The following IGSF10 variants were observed in gnomAD, a reference collection of about 807,000 sequenced individuals.
IGSF10 encodes the protein immunoglobulin superfamily member 10.
A neutral mutation model predicts 128.2 loss-of-function variants in IGSF10; 126 were observed. The ratio of observed to expected loss-of-function variants is 0.98; its 90% CI spans 0.85 to 1.14. The LOEUF (loss-of-function observed/expected upper bound fraction) is 1.14. Among genes scored for constraint, IGSF10 ranks in the 50% most tolerant of loss-of-function variants. The pLI is 0.00. For missense variants in IGSF10, 3,295 were observed against 3,149.8 expected (o/e 1.05, Z -1.10); for synonymous variants, 1,185 against 1,146.2 (o/e 1.03, Z -0.68).
At chr3:151,514,613 T>G in the IGSF10 span, among the ~76,000 whole-genome samples, 5 of 152,146 alleles carry the variant, frequency 3.3e-5, no homozygotes, top group Non-Finnish European at 7.4e-5. Context: ...CAAAATTGAC[T>G]AATGGGATCT....
At chr3:151,559,781 C>A in the IGSF10 span, among the ~76,000 whole-genome samples, 1 of 152,000 alleles carries the variant, frequency 6.6e-6, no homozygotes, top group Admixed American at 6.6e-5. Flanking sequence ...CAGACTACTT[C>A]GAATAGGTTC....
At chr3:151,528,954 G>A in the IGSF10 span, among the ~76,000 whole-genome samples, 5 of 151,962 alleles carry the variant, frequency 3.3e-5, no homozygotes, top group African/African-American at 1.2e-4. Context: ...AGATCCACCG[G>A]CGTGAAATTC....
chr3:151,573,595 A>T, the IGSF10 span, among the ~76,000 whole-genome samples: 2 of 151,972 alleles, frequency 1.3e-5, no homozygotes, highest in Non-Finnish European at 1.5e-5. Flanking sequence ...ATCTTCCTCC[A>T]TTCCTTAATT....
chr3:151,466,710 C>G, the IGSF10 span, among the ~76,000 whole-genome samples: 1 of 152,138 alleles, frequency 6.6e-6, no homozygotes, highest in African/African-American at 2.4e-5. Flanking sequence ...TCCCGAGTAG[C>G]TGGGACTACA....
chr3:151,571,638 T>G, the IGSF10 span, among the ~76,000 whole-genome samples: 1 of 152,220 alleles, frequency 6.6e-6, no homozygotes. Context: ...GATGGGGTTT[T>G]CTAAATATGC....
downstream of IGSF10, chr3:151,433,749 C>T (rs752356426): frequency 6.6e-6 from 1 of 152,598 alleles, no homozygotes; most frequent in Non-Finnish European, 1.5e-5. Flanking sequence ...CCCCAAAGTC[C>T]AGAAGGCTCT....
chr3:151,463,212 A>G (rs562114274), upstream of IGSF10, among the ~76,000 whole-genome samples: 1 of 152,248 alleles, frequency 6.6e-6, no homozygotes, highest in African/African-American at 2.4e-5. Context: ...CGTATTTTCT[A>G]CTTTTCATGT....
the IGSF10 span, among the ~76,000 whole-genome samples, chr3:151,528,221 G>T: frequency 6.6e-6 from 1 of 152,138 alleles, no homozygotes; most frequent in African/African-American, 2.4e-5. Flanking sequence ...TCTCAGAAAT[G>T]TTGGTTTCCT....
At chr3:151,617,182 GC>G in the IGSF10 span, among the ~76,000 whole-genome samples, 1 of 89,700 alleles carries the variant, frequency 1.1e-5, no homozygotes, top group African/African-American at 5.1e-5. Context: ...CTCCTCCTCT[GC>G]CTCCTCCTCC....
downstream of IGSF10, chr3:151,435,105 T>G (rs1174033885): frequency 6.6e-6 from 1 of 151,728 alleles, no homozygotes; most frequent in Non-Finnish European, 1.5e-5. Context: ...ATGCATTCTT[T>G]TGCATTAAGA....
Position 151,446,853 on chromosome 3 carries a change from G to A in IGSF10, c.3128C>T (p.Thr1043Ile), listed in dbSNP as rs1485072956. ...RHRYSIFRST[T>I]RGSSEKSTTA... ...AGTGCTTTTTTCAGAAGAACCTCTGGTTGTTGACCTGAAAATGCTGTATCT... is the reference window on the plus strand; with the variant it reads ...AGTGCTTTTTTCAGAAGAACCTCTGATTGTTGACCTGAAAATGCTGTATCT... Residue 1043 changes from threonine to isoleucine, a missense_variant, in exon 6 of 8, where the codon ACC becomes ATC. Physicochemically the swap from Thr to Ile is moderately conservative, Grantham distance 89 (BLOSUM62 -1). Coordinates refer to ENST00000282466, the MANE Select transcript of IGSF10 (RefSeq NM_178822.5). The A allele has an allele frequency of 4.3e-6, 7 of 1,614,050 alleles. No individual in the cohort carries two copies. Among genetic ancestry groups the A allele is most frequent in the Non-Finnish European group, 5.9e-6 (7 of 1,180,032 alleles).
At chr3:151,589,372 AT>A in the IGSF10 span, among the ~76,000 whole-genome samples, 1 of 152,184 alleles carries the variant, frequency 6.6e-6, no homozygotes, top group African/African-American at 2.4e-5. Flanking sequence ...GCCATCACTA[AT>A]TTTCCATCTG....
chr3:151,555,678 A>G, the IGSF10 span, among the ~76,000 whole-genome samples: 4 of 152,262 alleles, frequency 2.6e-5, no homozygotes, highest in East Asian at 7.7e-4. Flanking sequence ...GAGATAAAGG[A>G]ACAAATGTAA....
chr3:151,584,450 G>A, the IGSF10 span, among the ~76,000 whole-genome samples: 1 of 152,122 alleles, frequency 6.6e-6, no homozygotes, highest in Non-Finnish European at 1.5e-5. Context: ...TATTAATAAT[G>A]CTTGTGTTTT....
the IGSF10 span, among the ~76,000 whole-genome samples, chr3:151,473,714 G>A: frequency 5.9e-5 from 9 of 152,264 alleles, no homozygotes; most frequent in African/African-American, 2.2e-4. Flanking sequence ...CTGCTCAAAT[G>A]TAACTAGGGG....
chr3:151,598,102 T>G, the IGSF10 span, among the ~76,000 whole-genome samples: 3 of 149,466 alleles, frequency 2.0e-5, no homozygotes, highest in African/African-American at 7.4e-5. Context: ...TGTGTGTGTG[T>G]GTGTGTGTGA....
At chr3:151,510,127 G>A in the IGSF10 span, among the ~76,000 whole-genome samples, 3 of 152,244 alleles carry the variant, frequency 2.0e-5, no homozygotes, top group East Asian at 5.8e-4. Context: ...GAAGAGAGTA[G>A]TGGTTCTCCC....
chr3:151,512,414 C>T, the IGSF10 span, among the ~76,000 whole-genome samples: 196 of 152,078 alleles, frequency 1.3e-3, no homozygotes, highest in East Asian at 0.022. Flanking sequence ...TTGAAACCAA[C>T]GAGAACAAAG....
At chr3:151,580,352 G>A in the IGSF10 span, among the ~76,000 whole-genome samples, 2 of 121,572 alleles carry the variant, frequency 1.6e-5, no homozygotes, top group Non-Finnish European at 3.6e-5. Context: ...TTAGGCAAAA[G>A]AAATACATCA....
Sources: gnomAD v4.1 joint callset for allele counts (sites outside exome capture counted in the v4.1 genomes callset) on GRCh38, gnomAD v4.1.1 for gene constraint, MANE v1.5 for transcripts, NCBI Gene and HGNC (gene_info 2026-07-23, HGNC 2026-07-21) for gene names.